TTLL5: variants seen among roughly 807,000 people sequenced by gnomAD.
The protein encoded by TTLL5 is tubulin polyglutamylase TTLL5.
A neutral mutation model predicts 168.4 loss-of-function variants in TTLL5; 132 were observed. That is an observed-to-expected ratio of 0.78 (90% CI 0.68 to 0.91). The LOEUF (loss-of-function observed/expected upper bound fraction) is 0.91, where lower values mean the gene tolerates loss of function less well. Among genes scored for constraint, TTLL5 ranks in the 40% least tolerant of loss-of-function variants. The pLI is 0.00. For synonymous variants in TTLL5, 546 were observed against 558.6 expected, an observed-to-expected ratio of 0.98 and a Z score of 0.32; for missense variants, 1,545 against 1,581.5, an observed-to-expected ratio of 0.98 and a Z score of 0.39.
At chr14:75,746,557 C>CT (rs71119389) in intron 17 of TTLL5, among the ~76,000 whole-genome samples, 14,187 of 114,640 alleles carry the variant, frequency 0.12, 1,022 homozygotes, top group East Asian at 0.41. Flanking sequence ...CTTTTCTTTT[C>CT]TTTTTTTTTT....
intron 31 of TTLL5, among the ~76,000 whole-genome samples, chr14:75,913,516 G>A (rs946696787): frequency 1.1e-4 from 16 of 152,016 alleles, no homozygotes; most frequent in African/African-American, 3.9e-4. Flanking sequence ...TAAAACTCTA[G>A]GGTCTAGCAT....
rs78856408 is a variant in TTLL5, at chr14:75,819,963, A to T, written c.3172-44A>T. 2,624 of 1,552,568 alleles carry T rather than the reference A, an allele frequency of 1.7e-3. 54 individuals are homozygous for T. The African/African-American group carries it at 0.033, about 19-fold the overall frequency. On this transcript the variant is annotated intron_variant, in intron 27 of 31. Coordinates refer to ENST00000298832, the MANE Select transcript of TTLL5 (RefSeq NM_015072.5). ...CTATATGTTGTTAATGATGCTTTTTAAAAACTCTGTAAAGTCAGGTTATTT... is the reference window on the plus strand; with the variant it reads ...CTATATGTTGTTAATGATGCTTTTTTAAAACTCTGTAAAGTCAGGTTATTT...
intron 10 of TTLL5, among the ~76,000 whole-genome samples, chr14:75,718,442 G>C (rs1887611554): frequency 2.0e-5 from 3 of 152,140 alleles, no homozygotes. Context: ...GGAAAAAGCA[G>C]GTTATCAGAT....
chr14:75,893,537 G>A (rs1005686898), intron 30 of TTLL5, among the ~76,000 whole-genome samples: 15 of 152,240 alleles, frequency 9.9e-5, no homozygotes, highest in African/African-American at 3.6e-4. Flanking sequence ...GAGTGAAGGC[G>A]GCTGGGCACA....
chr14:75,919,510 G>A (rs1034855376), intron 31 of TTLL5, among the ~76,000 whole-genome samples: 1 of 152,106 alleles, frequency 6.6e-6, no homozygotes, highest in African/African-American at 2.4e-5. Context: ...ACTATTCAGT[G>A]GTACCAAGAC....
chr14:75,811,226 A>G (rs754727528), intron 27 of TTLL5, among the ~76,000 whole-genome samples: 40 of 149,850 alleles, frequency 2.7e-4, no homozygotes, highest in Admixed American at 1.6e-3. Context: ...AGGGTCTGCA[A>G]CCAAGGTTCT....
intron 14 of TTLL5, 36 bp from the exon 15 acceptor site, chr14:75,735,159 A>C: frequency 6.2e-7 from 1 of 1,602,430 alleles, no homozygotes. Context: ...TTTCTTAGAA[A>C]ATGGCAGGTT....
intron 30 of TTLL5, 88 bp from the exon 31 acceptor site, chr14:75,902,054 C>A: frequency 8.9e-7 from 1 of 1,119,602 alleles, no homozygotes; most frequent in Non-Finnish European, 1.4e-6. Flanking sequence ...AGAAGCAGCA[C>A]CAAGAGCAAG....
intron 27 of TTLL5, among the ~76,000 whole-genome samples, chr14:75,795,700 T>C (rs1056942226): frequency 2.0e-5 from 3 of 152,206 alleles, no homozygotes; most frequent in African/African-American, 4.8e-5. Flanking sequence ...CCTGAGTTAC[T>C]TCACTTAGAA....
intron 28 of TTLL5, among the ~76,000 whole-genome samples, chr14:75,860,270 G>T (rs1397644171): frequency 6.6e-6 from 1 of 152,070 alleles, no homozygotes; most frequent in Non-Finnish European, 1.5e-5. Context: ...ACCTGTCCAT[G>T]ATCATCCCCA....
Position 75,782,540 on chromosome 14 carries a change from C to G in TTLL5, c.2569C>G (p.Gln857Glu), listed in dbSNP as rs749314474. Residue 857 changes from glutamine to glutamate, a missense_variant, in exon 25 of 32, where the codon CAG becomes GAG. Physicochemically the swap from Gln to Glu is conservative, Grantham distance 29. Transcript: ENST00000298832. ...EVKIKPPKQQ[Q>E]TTEIHSDKLS... ...GAAAATAAAGCCACCTAAACAGCAA[C>G]AGACGACAGAAATTCATTCTGATAA... 4 of 1,613,768 alleles carry G rather than the reference C, an allele frequency of 2.5e-6. No individual in the cohort carries two copies. Among genetic ancestry groups the G allele is most frequent in the Non-Finnish European group, 3.4e-6 (4 of 1,179,898 alleles).
chr14:75,812,488 G>T lies in TTLL5; in HGVS notation c.3172-7519G>T, dbSNP rs1894109418. Among the ~76,000 whole-genome samples the T allele has an allele frequency of 7.9e-5, 12 of 152,182 alleles. 1 individual carries two copies. The highest frequency in any genetic ancestry group is 7.9e-4 in the Admixed American group (12 of 15,276). On this transcript the variant is annotated intron_variant, in intron 27 of 31. Coordinates refer to ENST00000298832, the MANE Select transcript of TTLL5 (RefSeq NM_015072.5). ...ATAGCAAGTAATCTTGGAATTTTCT[G>T]AAGTTTGTCCTAAGCTGTTTTGTCC...
At chr14:75,840,199 C>T (rs753185398) in intron 28 of TTLL5, among the ~76,000 whole-genome samples, 48 of 152,096 alleles carry the variant, frequency 3.2e-4, no homozygotes, top group African/African-American at 5.8e-4. Context: ...ATAGTTATAG[C>T]TTTTATGCTT....
intron 18 of TTLL5, among the ~76,000 whole-genome samples, chr14:75,760,395 G>T (rs1413132370): frequency 6.6e-6 from 1 of 151,948 alleles, no homozygotes; most frequent in Admixed American, 6.6e-5. Context: ...AATTCATATA[G>T]TTAAAATAGC....
rs189243719 is a variant in TTLL5 at position 75,697,283 on chromosome 14, G to T, written c.503-1905G>T. On this transcript the variant is annotated intron_variant, in intron 6 of 31. Transcript: ENST00000298832. ...CGACCCTTCATACAGATGCATTGTA[G>T]TGTATTTAATTAATATTTTGCTGTT... 5.0e-4 allele frequency among the ~76,000 whole-genome samples: 76 copies of T among 152,268 alleles called. 1 individual carries two copies. The East Asian group carries it at 0.013, about 26-fold the overall frequency.
At chr14:75,832,276 G>T (rs1471491506) in intron 28 of TTLL5, among the ~76,000 whole-genome samples, 2 of 152,112 alleles carry the variant, frequency 1.3e-5, no homozygotes, top group African/African-American at 2.4e-5. Context: ...CACCTTTAAG[G>T]CCCAGCCTCT....
intron 28 of TTLL5, among the ~76,000 whole-genome samples, chr14:75,834,807 T>G (rs2139820383): frequency 6.6e-6 from 1 of 152,326 alleles, no homozygotes; most frequent in Admixed American, 6.5e-5. Context: ...GGCTCACACC[T>G]GTAATCCCAG....
At chr14:75,715,014 T>G (rs1887332698) in intron 9 of TTLL5, among the ~76,000 whole-genome samples, 1 of 152,162 alleles carries the variant, frequency 6.6e-6, no homozygotes, top group Non-Finnish European at 1.5e-5. Flanking sequence ...ACTACAGAGT[T>G]CCTTCTTGTT....
chr14:75,770,021 T>TA (rs1891185923), intron 20 of TTLL5, among the ~76,000 whole-genome samples: 1 of 151,600 alleles, frequency 6.6e-6, no homozygotes, highest in African/African-American at 2.4e-5. Flanking sequence ...TCTATTAAAA[T>TA]ACAAAAATTA....
Sources: gnomAD v4.1 joint callset for allele counts (sites outside exome capture counted in the v4.1 genomes callset) on GRCh38, gnomAD v4.1.1 for gene constraint, MANE v1.5 for transcripts, NCBI Gene and HGNC (gene_info 2026-07-23, HGNC 2026-07-21) for gene names.